NRG1: variants seen among roughly 807,000 people sequenced by gnomAD.
The protein encoded by NRG1 is neuregulin 1.
Under a neutral mutation model 63.8 loss-of-function variants are expected in NRG1, and 18 were observed. That is an observed-to-expected ratio of 0.28 (90% confidence interval 0.19 to 0.42). The LOEUF (loss-of-function observed/expected upper bound fraction) is 0.42, where lower values mean the gene tolerates loss of function less well. NRG1 is among the 10% of genes least tolerant of loss of function. NRG1 has a pLI of 1.00. For synonymous variants in NRG1, 302 were observed against 301.3 expected, an observed-to-expected ratio of 1.00 and a Z score of -0.02; for missense variants, 762 against 814.7, an observed-to-expected ratio of 0.94 and a Z score of 0.79.
chr8:32,189,761 T>C (rs576512853), intron 1 of NRG1, among the ~76,000 whole-genome samples: 19 of 152,310 alleles, frequency 1.2e-4, no homozygotes, highest in Non-Finnish European at 2.2e-4. Flanking sequence ...TCCTTAGAAA[T>C]ATCACCACAT....
chr8:32,154,334 AC>A (rs1483080059), intron 1 of NRG1, among the ~76,000 whole-genome samples: 1 of 150,992 alleles, frequency 6.6e-6, no homozygotes, highest in Non-Finnish European at 1.5e-5. Context: ...ACCTGATGGT[AC>A]CCCAGTGCTT....
At chr8:31,653,561 T>C (rs1805119456) in intron 1 of NRG1, among the ~76,000 whole-genome samples, 2 of 152,228 alleles carry the variant, frequency 1.3e-5, no homozygotes, top group African/African-American at 4.8e-5. Context: ...TTTAATGGCC[T>C]TTCTATTCCC....
intron 6 of NRG1, chr8:32,728,603 T>C (rs1042173712): frequency 1.0e-6 from 1 of 984,416 alleles, no homozygotes. Context: ...GGAGTTTAGT[T>C]TTATATTGCT....
intron 1 of NRG1, among the ~76,000 whole-genome samples, chr8:32,144,386 G>GGTGTGTGTGT (rs58220737): frequency 6.6e-6 from 1 of 150,874 alleles, no homozygotes; most frequent in Admixed American, 6.6e-5. Flanking sequence ...TGTTTATGGA[G>GGTGTGTGTGT]GTGTGTGTGT....
intron 1 of NRG1, among the ~76,000 whole-genome samples, chr8:32,207,884 A>T (rs1161050370): frequency 1.3e-5 from 2 of 152,206 alleles, no homozygotes; most frequent in Non-Finnish European, 2.9e-5. Flanking sequence ...CTACTTAATT[A>T]TACCAAGTTA....
intron 1 of NRG1, among the ~76,000 whole-genome samples, chr8:31,795,034 C>G (rs1327956065): frequency 6.6e-6 from 1 of 152,124 alleles, no homozygotes; most frequent in Non-Finnish European, 1.5e-5. Context: ...AATTCCTGAC[C>G]TCAAGTGATA....
chr8:32,517,504 A>G (rs1260539473), intron 1 of NRG1, among the ~76,000 whole-genome samples: 1 of 152,170 alleles, frequency 6.6e-6, no homozygotes, highest in Admixed American at 6.6e-5. Context: ...AAAGAAAACA[A>G]AAGAGGTGTT....
At chr8:31,977,536 A>G (rs550756566) in intron 1 of NRG1, among the ~76,000 whole-genome samples, 2 of 152,102 alleles carry the variant, frequency 1.3e-5, no homozygotes, top group African/African-American at 2.4e-5. Context: ...TCTTCTTCCA[A>G]TTCATCCTAT....
intron 1 of NRG1, among the ~76,000 whole-genome samples, chr8:31,890,810 G>A (rs187326282): frequency 1.1e-4 from 16 of 152,176 alleles, no homozygotes; most frequent in Non-Finnish European, 1.5e-5. Context: ...CCTAATGTTC[G>A]GACAGAAAAC....
At chr8:31,685,715 G>T (rs1057400483) in intron 1 of NRG1, among the ~76,000 whole-genome samples, 2 of 152,048 alleles carry the variant, frequency 1.3e-5, no homozygotes, top group Non-Finnish European at 2.9e-5. Context: ...TATTTCTATG[G>T]TTTTTCTCAT....
At chr8:32,564,238 A>ATT (rs1837014233) in intron 1 of NRG1, among the ~76,000 whole-genome samples, 1 of 152,230 alleles carries the variant, frequency 6.6e-6, no homozygotes, top group African/African-American at 2.4e-5. Context: ...TTGTTTCTCA[A>ATT]AAACTTAATC....
chr8:32,008,310 C>G (rs76139423), intron 1 of NRG1, among the ~76,000 whole-genome samples: 5,627 of 152,026 alleles, frequency 0.037, 333 homozygotes, highest in African/African-American at 0.13. Flanking sequence ...CACTGAGGCC[C>G]AGACACCAAG....
At chr8:32,438,056 A>C (rs888642255) in intron 1 of NRG1, among the ~76,000 whole-genome samples, 2 of 152,126 alleles carry the variant, frequency 1.3e-5, no homozygotes, top group Admixed American at 6.6e-5. Flanking sequence ...AGTTTCCTCC[A>C]ATGGTGACAT....
chr8:32,710,262 AT>A (rs1465053536), intron 5 of NRG1, among the ~76,000 whole-genome samples: 1 of 152,124 alleles, frequency 6.6e-6, no homozygotes. Flanking sequence ...CCTGGAGATA[AT>A]TTTTTTATTT....
chr8:32,646,592 G>C, intron 5 of NRG1: 1 of 741,298 alleles, frequency 1.3e-6, no homozygotes, highest in Non-Finnish European at 1.6e-6. Flanking sequence ...TGCTAGCATC[G>C]ATCGCTGGCT....
At chr8:31,670,573 T>TG (rs1183319516) in intron 1 of NRG1, among the ~76,000 whole-genome samples, 1 of 150,366 alleles carries the variant, frequency 6.7e-6, no homozygotes, top group Non-Finnish European at 1.5e-5. Flanking sequence ...TTCTCTTTGT[T>TG]TTTTTTTTTG....
chr8:32,736,516 T>C (rs893652463), intron 6 of NRG1, among the ~76,000 whole-genome samples: 1 of 152,340 alleles, frequency 6.6e-6, no homozygotes, highest in African/African-American at 2.4e-5. Context: ...TATTCCTTGA[T>C]AGAGATTTGT....
intron 1 of NRG1, among the ~76,000 whole-genome samples, chr8:32,418,627 TAA>T (rs1816273763): frequency 6.6e-6 from 1 of 152,124 alleles, no homozygotes; most frequent in African/African-American, 2.4e-5. Context: ...ATTAAAATGA[TAA>T]GTCTATAAGG....
At chr8:31,904,089 G>A (rs561106209) in intron 1 of NRG1, among the ~76,000 whole-genome samples, 46 of 152,198 alleles carry the variant, frequency 3.0e-4, no homozygotes, top group African/African-American at 9.6e-4. Flanking sequence ...AAAATCACAC[G>A]TAGCTCCAAA....
Sources: gnomAD v4.1 joint callset for allele counts (sites outside exome capture counted in the v4.1 genomes callset) on GRCh38, gnomAD v4.1.1 for gene constraint, MANE v1.5 for transcripts, NCBI Gene and HGNC (gene_info 2026-07-23, HGNC 2026-07-21) for gene names.